The following TEX9 variants were observed in gnomAD, a reference collection of about 807,000 sequenced individuals.
TEX9 encodes testis expressed 9.
A neutral mutation model predicts 59.6 loss-of-function variants in TEX9; 74 were observed. The ratio of observed to expected loss-of-function variants is 1.24; its 90% CI spans 1.03 to 1.51. The LOEUF is 1.51. Ranked by LOEUF, TEX9 falls within the 40% of genes most tolerant of loss-of-function variation. TEX9 has a pLI of 0.00. For synonymous variants in TEX9, 186 were observed against 152.2 expected, an observed-to-expected ratio of 1.22 and a Z score of -1.64; for missense variants, 522 against 447.8, an observed-to-expected ratio of 1.17 and a Z score of -1.49.
intron 1 of TEX9, among the ~76,000 whole-genome samples, chr15:56,246,052 C>T (rs1198160117): frequency 1.3e-5 from 2 of 152,080 alleles, no homozygotes; most frequent in Non-Finnish European, 2.9e-5. Context: ...TGCCAAAGGC[C>T]TTAAGAAAAG....
At chr15:56,453,178 AT>A in the TEX9 span, among the ~76,000 whole-genome samples, 3 of 152,196 alleles carry the variant, frequency 2.0e-5, no homozygotes, top group South Asian at 6.2e-4. Flanking sequence ...ATTTTGTCAT[AT>A]TTTTAACTCT....
chr15:56,436,172 C>A (rs148875412), intron 12 of TEX9, among the ~76,000 whole-genome samples: 1 of 152,074 alleles, frequency 6.6e-6, no homozygotes, highest in Non-Finnish European at 1.5e-5. Flanking sequence ...AGCACCACAC[C>A]GCACTTATTC....
At chr15:56,452,743 C>T in the TEX9 span, among the ~76,000 whole-genome samples, 1 of 152,120 alleles carries the variant, frequency 6.6e-6, no homozygotes, top group Non-Finnish European at 1.5e-5. Flanking sequence ...TGGTCTCGAT[C>T]TCCTGACCCT....
chr15:56,414,897 ATC>A (rs2049594482), intron 10 of TEX9, among the ~76,000 whole-genome samples: 1 of 151,586 alleles, frequency 6.6e-6, no homozygotes, highest in Non-Finnish European at 1.5e-5. Context: ...ACCTCACCAG[ATC>A]TGTTATTTTT....
At chr15:56,336,931 G>T (rs2682027) in intron 1 of TEX9, among the ~76,000 whole-genome samples, 50,179 of 151,952 alleles carry the variant, frequency 0.33, 8,672 homozygotes, top group Middle Eastern at 0.49. Context: ...GCAAGTGTTT[G>T]ACACTCCCAG....
chr15:56,298,598 A>T (rs980921513), intron 1 of TEX9, among the ~76,000 whole-genome samples: 5 of 152,150 alleles, frequency 3.3e-5, no homozygotes, highest in Non-Finnish European at 1.5e-5. Flanking sequence ...TTACCCTGCC[A>T]TTTCCTCAAG....
chr15:56,376,952 GTCT>G (rs576337960), intron 3 of TEX9, among the ~76,000 whole-genome samples: 2 of 152,106 alleles, frequency 1.3e-5, no homozygotes, highest in South Asian at 4.1e-4. Context: ...TAGGGGTCTA[GTCT>G]TCTTCTTCTG....
chr15:56,308,913 T>G (rs1252055809), intron 1 of TEX9, among the ~76,000 whole-genome samples: 1 of 152,200 alleles, frequency 6.6e-6, no homozygotes, highest in Admixed American at 6.5e-5. Context: ...ATCTGTATAT[T>G]TAATCTTATG....
chr15:56,383,399 G>T (rs1256023877), intron 3 of TEX9, among the ~76,000 whole-genome samples: 1 of 152,210 alleles, frequency 6.6e-6, no homozygotes, highest in African/African-American at 2.4e-5. Context: ...TGATGTTTTT[G>T]TGTGCAGGTA....
chr15:56,443,545 AT>A (rs1567150988), intron 12 of TEX9: 1 of 1,577,890 alleles, frequency 6.3e-7, no homozygotes, highest in Non-Finnish European at 8.6e-7. Flanking sequence ...CAACTATTAA[AT>A]TTTTTAAAAA....
chr15:56,292,548 AG>A (rs2045120659), intron 1 of TEX9, among the ~76,000 whole-genome samples: 1 of 152,198 alleles, frequency 6.6e-6, no homozygotes, highest in Non-Finnish European at 1.5e-5. Flanking sequence ...CTACTCCACC[AG>A]GGCAAACCTA....
intron 1 of TEX9, among the ~76,000 whole-genome samples, chr15:56,307,689 T>C (rs1332294211): frequency 1.3e-5 from 2 of 152,202 alleles, no homozygotes; most frequent in African/African-American, 4.8e-5. Context: ...TAGGACATTT[T>C]AATCACCCCC....
chr15:56,351,623 A>C (rs1735373024), intron 1 of TEX9, among the ~76,000 whole-genome samples: 1 of 152,194 alleles, frequency 6.6e-6, no homozygotes, highest in South Asian at 2.1e-4. Flanking sequence ...GTCTTTAGTT[A>C]GGCAAGAAAA....
At chr15:56,306,271 A>AAAAAAAAAAAAAAG (rs2045483336) in intron 1 of TEX9, among the ~76,000 whole-genome samples, 1 of 151,336 alleles carries the variant, frequency 6.6e-6, no homozygotes, top group Non-Finnish European at 1.5e-5. Flanking sequence ...AAAAAAAAAA[A>AAAAAAAAAAAAAAG]AAAAAAAGGA....
intron 3 of TEX9, among the ~76,000 whole-genome samples, chr15:56,381,189 G>A (rs2047709471): frequency 6.6e-6 from 1 of 152,036 alleles, no homozygotes; most frequent in Non-Finnish European, 1.5e-5. Flanking sequence ...GCTATTAAGA[G>A]ACTCTGATGC....
In TEX9 at chr15:56,427,586, CT is replaced by C. The variant is rs553450981; in HGVS notation, c.964-11del. The stretch of plus-strand genomic sequence containing the variant: ...GGCTGTATATTAAAAATATATGGCA[CT>C]TTTTTTTCCTTGTGTAGGACATAGC... On this transcript the variant is annotated intron_variant, in intron 10 of 12. Coordinates refer to ENST00000352903, the Ensembl canonical transcript of TEX9. 3.4e-5 allele frequency: 49 copies of C among 1,453,448 alleles called. No homozygotes were observed. Among genetic ancestry groups the C allele is most frequent in the African/African-American group, 3.0e-4 (20 of 67,496 alleles). The allele number at this position is 1,453,448 out of a possible 1,614,324, so 90.0% of individuals were successfully genotyped here. A position where few individuals can be genotyped will look rare whatever the true frequency, so the allele number is the denominator to read the frequency against.
At chr15:56,345,064 CACATATATATATGTAT>C (rs1220169538) in intron 1 of TEX9, among the ~76,000 whole-genome samples, 1 of 146,710 alleles carries the variant, frequency 6.8e-6, no homozygotes, top group Non-Finnish European at 1.5e-5. Flanking sequence ...TATACACACA[CACATATATATATGTAT>C]ATATATATAT....
At chr15:56,372,134 A>C (rs1362645182) in intron 2 of TEX9, among the ~76,000 whole-genome samples, 2 of 152,164 alleles carry the variant, frequency 1.3e-5, no homozygotes, top group African/African-American at 4.8e-5. Context: ...GGTCCACTAT[A>C]TTAATTGGAA....
At chr15:56,309,537 T>C (rs575955732) in intron 1 of TEX9, among the ~76,000 whole-genome samples, 2 of 152,118 alleles carry the variant, frequency 1.3e-5, no homozygotes, top group African/African-American at 4.8e-5. Flanking sequence ...TGTGAAATCT[T>C]TGTCTGGTTT....
Sources: allele counts gnomAD v4.1 joint callset (sites outside exome capture counted in the v4.1 genomes callset), GRCh38; gene constraint gnomAD v4.1.1; transcripts MANE v1.5; gene names NCBI Gene and HGNC (gene_info 2026-07-23, HGNC 2026-07-21).